Variants in EBF3 observed in about 807,000 individuals in gnomAD.
The protein encoded by EBF3 is EBF transcription factor 3, also known as transcription factor COE3.
Under a neutral mutation model 77.1 loss-of-function variants are expected in EBF3, and 18 were observed. The ratio of observed to expected loss-of-function variants is 0.23; its 90% CI spans 0.16 to 0.35. EBF3 has a LOEUF of 0.35. EBF3 is among the 10% of genes least tolerant of loss of function. The pLI, the probability that EBF3 is intolerant of heterozygous loss-of-function variation, is 1.00. For synonymous variants in EBF3, 350 were observed against 343.5 expected (o/e 1.02, Z -0.21); for missense variants, 558 against 860.0 (o/e 0.65, Z 4.39).
At chr10:129,931,598 T>A (rs894749103) in intron 6 of EBF3, among the ~76,000 whole-genome samples, 3 of 152,262 alleles carry the variant, frequency 2.0e-5, no homozygotes, top group Admixed American at 6.5e-5. Flanking sequence ...AAGGCCATGG[T>A]CTGATTCTAA....
At chr10:129,844,340 G>T (rs543778018) in intron 11 of EBF3, among the ~76,000 whole-genome samples, 1 of 152,180 alleles carries the variant, frequency 6.6e-6, no homozygotes, top group African/African-American at 2.4e-5. Context: ...CTTCGCTCCT[G>T]GGCCTGTGGC....
chr10:129,846,748 A>G (rs1230488216), intron 11 of EBF3, among the ~76,000 whole-genome samples: 3 of 152,096 alleles, frequency 2.0e-5, no homozygotes, highest in Non-Finnish European at 4.4e-5. Flanking sequence ...AAACTGCTAG[A>G]TTTCATCTCG....
At chr10:129,896,616 G>C (rs1015949339) in intron 6 of EBF3, among the ~76,000 whole-genome samples, 3 of 152,198 alleles carry the variant, frequency 2.0e-5, no homozygotes, top group Non-Finnish European at 4.4e-5. Context: ...GCCTCCTGGC[G>C]AGCCTCCCGG....
intron 8 of EBF3, among the ~76,000 whole-genome samples, chr10:129,871,090 A>C (rs2134096785): frequency 6.6e-6 from 1 of 152,288 alleles, no homozygotes; most frequent in African/African-American, 2.4e-5. Context: ...AACTCGCTAA[A>C]GCCCCGCAGC....
chr10:129,957,271 C>T lies in EBF3; in HGVS notation c.541G>A (p.Val181Ile). The T allele has an allele frequency of 1.9e-6, 3 of 1,608,074 alleles. No homozygotes were observed. The highest frequency in any genetic ancestry group is 2.6e-6 in the Non-Finnish European group (3 of 1,176,008). ...AGTCATCCTTACCTGTCAATGATTA[C>T]AGGGTCTGAGGGCGTTTCGTTTCTA... ...GNRNETPSDPVIIDRFFLKFF... is the reference protein window; with the variant it reads ...GNRNETPSDPIIIDRFFLKFF... Residue 181 changes from valine (V) to isoleucine (I), a missense_variant, in exon 6 of 17, where the codon GTA (valine) becomes ATA (isoleucine). This residue lies in a region of EBF3 where 14 missense variants were observed against 87.3 expected (regional missense o/e 0.16). Transcript: ENST00000440978.
intron 4 of EBF3, among the ~76,000 whole-genome samples, chr10:129,959,813 G>A (rs1327061678): frequency 6.6e-6 from 1 of 151,952 alleles, no homozygotes; most frequent in Non-Finnish European, 1.5e-5. Flanking sequence ...CGGGGCCCCA[G>A]GGCGCCCGAG....
intron 11 of EBF3, among the ~76,000 whole-genome samples, chr10:129,846,579 G>A (rs1198528678): frequency 2.6e-5 from 4 of 151,504 alleles, no homozygotes; most frequent in Admixed American, 2.6e-4. Flanking sequence ...GTATGTTAAG[G>A]CCAATTGCTG....
At chr10:129,920,739 G>A (rs1221439558) in intron 6 of EBF3, among the ~76,000 whole-genome samples, 3 of 152,254 alleles carry the variant, frequency 2.0e-5, no homozygotes, top group Admixed American at 6.5e-5. Flanking sequence ...CTCTGTGTGT[G>A]GCAGCAGGTG....
At chr10:129,955,046 G>A (rs969277066) in intron 6 of EBF3, among the ~76,000 whole-genome samples, 3 of 152,108 alleles carry the variant, frequency 2.0e-5, no homozygotes, top group African/African-American at 7.2e-5. Context: ...TTGCCCTAGT[G>A]AACACTAAAT....
intron 7 of EBF3, among the ~76,000 whole-genome samples, chr10:129,875,492 G>A (rs1309800096): frequency 1.3e-5 from 2 of 152,126 alleles, no homozygotes; most frequent in Non-Finnish European, 1.5e-5. Context: ...CACCGCGCCC[G>A]GCCGGCTTTT....
At chr10:129,862,530 C>T (rs1851714179) in intron 10 of EBF3, among the ~76,000 whole-genome samples, 1 of 152,094 alleles carries the variant, frequency 6.6e-6, no homozygotes, top group Admixed American at 6.5e-5. Context: ...GTGCAAGAAA[C>T]CAAGAGTAAG....
chr10:129,888,256 C>A (rs559128807), intron 6 of EBF3, among the ~76,000 whole-genome samples: 94 of 152,318 alleles, frequency 6.2e-4, no homozygotes, highest in Non-Finnish European at 1.2e-3. Context: ...TGGTCCCAGT[C>A]AACAGACTGA....
rs1340972422 is a variant in EBF3 at position 129,947,040 on chromosome 10, A to G, written c.554+10218T>C. Among the ~76,000 whole-genome samples, 1 of 152,180 alleles carries G rather than the reference A, an allele frequency of 6.6e-6. No homozygotes were observed. The highest frequency in any genetic ancestry group is 2.4e-5 in the African/African-American group (1 of 41,436). On this transcript the variant is annotated intron_variant, in intron 6 of 16. Transcript: ENST00000440978. The surrounding 1 kb of genome is among the most constrained non-coding windows in gnomAD (Gnocchi z 4.5). ...CTGGATCGGGCCGATGACCTCGGAC[A>G]GTGGGGACCAGCAGCACGTCCAATC...
At chr10:129,954,700 T>A (rs1858916352) in intron 6 of EBF3, among the ~76,000 whole-genome samples, 1 of 152,188 alleles carries the variant, frequency 6.6e-6, no homozygotes, top group Non-Finnish European at 1.5e-5. Context: ...AAATATGCCT[T>A]ATCTGGTCAG....
At position 129,842,420 on chromosome 10, in the gene EBF3, A is replaced by C; in HGVS notation, c.1195-127T>G. On this transcript the variant is annotated intron_variant, in intron 12 of 16. Transcript: ENST00000440978. The surrounding 1 kb of genome is among the most constrained non-coding windows in gnomAD (Gnocchi z 4.4). ...CAGACCATGACCAAATCTATTTCTTAATGGGCAAAGAGCTTCCCCTAGAAA... is the reference window on the plus strand; with the variant it reads ...CAGACCATGACCAAATCTATTTCTTCATGGGCAAAGAGCTTCCCCTAGAAA... 9.1e-7 allele frequency: 1 copy of C among 1,101,936 alleles called. No individual in the cohort carries two copies. Among genetic ancestry groups the C allele is most frequent in the Non-Finnish European group, 1.3e-6 (1 of 796,710 alleles). 68.3% of individuals were successfully genotyped at this position (1,101,936 alleles called of 1,614,324 possible). A position where few individuals can be genotyped will look rare whatever the true frequency, so the allele number is the denominator to read the frequency against.
chr10:129,889,498 G>A (rs979102494), intron 6 of EBF3, among the ~76,000 whole-genome samples: 1 of 152,078 alleles, frequency 6.6e-6, no homozygotes, highest in African/African-American at 2.4e-5. Flanking sequence ...CTTTCTTGTC[G>A]GACGGTTCCA....
At chr10:129,840,173 CCCCCACCCCCACTCCCAT>C in intron 15 of EBF3, 54 bp downstream of exon 15, 9 of 1,451,962 alleles carry the variant, frequency 6.2e-6, no homozygotes, top group Middle Eastern at 2.5e-4. Context: ...AAAGGCCGAG[CCCCCACCCCCACTCCCAT>C]CCCCACCCCT....
chr10:129,887,468 T>G (rs1453023655), intron 6 of EBF3, among the ~76,000 whole-genome samples: 1 of 152,176 alleles, frequency 6.6e-6, no homozygotes, highest in Non-Finnish European at 1.5e-5. Context: ...AGAGGCAACC[T>G]TTCTGCCTGG....
intron 6 of EBF3, among the ~76,000 whole-genome samples, chr10:129,909,574 A>C (rs2134283915): frequency 6.6e-6 from 1 of 152,334 alleles, no homozygotes; most frequent in East Asian, 1.9e-4. Flanking sequence ...GCTAAGCCTT[A>C]AAAATCAGCC....
Sources: allele counts gnomAD v4.1 joint callset (sites outside exome capture counted in the v4.1 genomes callset), GRCh38; gene constraint gnomAD v4.1.1; regional missense constraint gnomAD v4.1.1; non-coding constraint Gnocchi (gnomAD v3.1); transcripts MANE v1.5; gene names NCBI Gene and HGNC (gene_info 2026-07-23, HGNC 2026-07-21).